Variants in NRF1 observed in about 807,000 individuals in gnomAD.
The protein encoded by NRF1 is nuclear respiratory factor 1, also known as alpha palindromic-binding protein.
Under a neutral mutation model 58.5 loss-of-function variants are expected in NRF1, and 5 were observed. The observed-to-expected ratio is 0.09, with a 90% CI of 0.04 to 0.18. The LOEUF (loss-of-function observed/expected upper bound fraction) is 0.18. NRF1 is among the 10% of genes least tolerant of loss of function. NRF1 has a pLI of 1.00. For missense variants in NRF1, 288 were observed against 657.7 expected, an observed-to-expected ratio of 0.44 and a Z score of 6.15; for synonymous variants, 224 against 246.7, an observed-to-expected ratio of 0.91 and a Z score of 0.86.
chr7:129,720,020 G>C (rs774404242), intron 9 of NRF1, among the ~76,000 whole-genome samples: 1 of 152,166 alleles, frequency 6.6e-6, no homozygotes, highest in Non-Finnish European at 1.5e-5. Context: ...AAAGGCAAGC[G>C]GGTAATGGTA....
At chr7:129,669,887 C>T (rs557175816) in intron 2 of NRF1, among the ~76,000 whole-genome samples, 2 of 152,338 alleles carry the variant, frequency 1.3e-5, no homozygotes, top group East Asian at 3.9e-4. Context: ...GAGATATCCA[C>T]ACTCCCTTGT....
At position 129,711,594 on chromosome 7, in the gene NRF1, T is replaced by G; in HGVS notation, c.1065+18T>G. The G allele has an allele frequency of 6.3e-7, 1 of 1,579,070 alleles. No individual in the cohort carries two copies. On this transcript the variant is annotated intron_variant, in intron 8 of 10. Coordinates refer to ENST00000393232, the MANE Select transcript of NRF1 (RefSeq NM_005011.5). ...ATGGAGAGGTAAGAAAGAGATTCCA[T>G]CTGCATCTTCTTAAATACTTGAATG...
chr7:129,652,529 GAT>G (rs1402391639), intron 1 of NRF1, among the ~76,000 whole-genome samples: 2 of 152,116 alleles, frequency 1.3e-5, no homozygotes, highest in African/African-American at 2.4e-5. Context: ...TTTTAATAAA[GAT>G]AATACAGGCT....
chr7:129,730,989 AAGCC>A (rs1201257038), intron 10 of NRF1, among the ~76,000 whole-genome samples: 1 of 151,776 alleles, frequency 6.6e-6, no homozygotes, highest in African/African-American at 2.4e-5. Flanking sequence ...AAAAAAAAAA[AAGCC>A]AGGCTCAGTG....
At chr7:129,667,967 G>A (rs1801959929) in intron 2 of NRF1, among the ~76,000 whole-genome samples, 1 of 151,922 alleles carries the variant, frequency 6.6e-6, no homozygotes, top group Non-Finnish European at 1.5e-5. Context: ...GTCTTGCTAT[G>A]GTGCCCAGGC....
chr7:129,752,269 G>A (rs920246952), intron 10 of NRF1, among the ~76,000 whole-genome samples: 2 of 151,950 alleles, frequency 1.3e-5, no homozygotes, highest in African/African-American at 4.8e-5. Flanking sequence ...TCACCCCAGT[G>A]TAAAAGGAAG....
At chr7:129,665,862 C>T (rs939254157) in intron 2 of NRF1, among the ~76,000 whole-genome samples, 1 of 152,196 alleles carries the variant, frequency 6.6e-6, no homozygotes, top group Non-Finnish European at 1.5e-5. Context: ...GATCCTCCTG[C>T]CTTGGCCTCC....
At chr7:129,745,252 C>G (rs1309857319) in intron 10 of NRF1, among the ~76,000 whole-genome samples, 1 of 152,162 alleles carries the variant, frequency 6.6e-6, no homozygotes, top group African/African-American at 2.4e-5. Flanking sequence ...TCCCACCCTT[C>G]TTCCTAGTGA....
Position 129,667,006 on chromosome 7 carries a change from G to A in NRF1, c.224-4423G>A, listed in dbSNP as rs931357874. On this transcript the variant is annotated intron_variant, in intron 2 of 10. Coordinates refer to ENST00000393232, the MANE Select transcript of NRF1 (RefSeq NM_005011.5). ...CCCTACTGCAAATTGTATACTCTGT[G>A]ATATGTTCTAGTCTGTTCTATTTTA... 3.2e-4 allele frequency among the ~76,000 whole-genome samples: 49 copies of A among 152,096 alleles called. 1 individual carries two copies. Among genetic ancestry groups the A allele is most frequent in the Non-Finnish European group, 1.8e-4 (12 of 68,024 alleles).
intron 8 of NRF1, among the ~76,000 whole-genome samples, chr7:129,716,836 C>T (rs1377475070): frequency 6.6e-6 from 1 of 150,528 alleles, no homozygotes; most frequent in Non-Finnish European, 1.5e-5. Flanking sequence ...TGCCATTGCA[C>T]TCCGGCTTGG....
At chr7:129,676,234 A>G (rs1229730826) in intron 3 of NRF1, among the ~76,000 whole-genome samples, 1 of 152,226 alleles carries the variant, frequency 6.6e-6, no homozygotes, top group African/African-American at 2.4e-5. Context: ...TTGTGTGTTC[A>G]TTGGAGTAGC....
At chr7:129,629,152 C>CT (rs1297483124) in intron 1 of NRF1, among the ~76,000 whole-genome samples, 2 of 152,148 alleles carry the variant, frequency 1.3e-5, no homozygotes, top group Non-Finnish European at 2.9e-5. Flanking sequence ...GAGAAAATGT[C>CT]TGTCAAATAC....
At chr7:129,697,531 G>A (rs539124154) in intron 5 of NRF1, among the ~76,000 whole-genome samples, 2 of 150,278 alleles carry the variant, frequency 1.3e-5, no homozygotes, top group East Asian at 2.0e-4. Flanking sequence ...TTGGGCGACA[G>A]AGTGAGACGC....
intron 10 of NRF1, chr7:129,744,168 G>A: frequency 1.2e-6 from 1 of 813,174 alleles, no homozygotes; most frequent in Non-Finnish European, 1.8e-6. Context: ...CTGTGTTATT[G>A]TCAGGCCTCT....
At chr7:129,721,350 G>C (rs961361683) in intron 9 of NRF1, among the ~76,000 whole-genome samples, 3 of 151,996 alleles carry the variant, frequency 2.0e-5, no homozygotes, top group African/African-American at 7.2e-5. Context: ...GTGCAGGGCT[G>C]TGACTCAGTG....
At chr7:129,666,254 C>T (rs752667166) in intron 2 of NRF1, among the ~76,000 whole-genome samples, 13 of 151,846 alleles carry the variant, frequency 8.6e-5, no homozygotes, top group Non-Finnish European at 1.9e-4. Flanking sequence ...TAATCCTGCT[C>T]CCTTCCCTCC....
chr7:129,654,241 A>C (rs1022201677), intron 1 of NRF1, among the ~76,000 whole-genome samples: 22 of 152,200 alleles, frequency 1.4e-4, no homozygotes, highest in African/African-American at 4.6e-4. Flanking sequence ...GCATCTTTTC[A>C]TATGCTTATT....
intron 9 of NRF1, among the ~76,000 whole-genome samples, chr7:129,724,157 T>C (rs187973545): frequency 6.6e-4 from 100 of 152,360 alleles, no homozygotes; most frequent in African/African-American, 2.3e-3. Context: ...GATAAGGGAT[T>C]GATATCCAGA....
chr7:129,634,811 G>C (rs1339690927), intron 1 of NRF1, among the ~76,000 whole-genome samples: 2 of 152,106 alleles, frequency 1.3e-5, no homozygotes, highest in African/African-American at 4.8e-5. Context: ...CAGGTTGCTC[G>C]TGTGTTTTTC....
Sources: allele counts gnomAD v4.1 joint callset (sites outside exome capture counted in the v4.1 genomes callset), GRCh38; gene constraint gnomAD v4.1.1; transcripts MANE v1.5; gene names NCBI Gene and HGNC (gene_info 2026-07-23, HGNC 2026-07-21).